The following AIG1 variants were observed in gnomAD, a reference collection of about 807,000 sequenced individuals.
AIG1 encodes androgen-induced gene 1 protein.
Under a neutral mutation model 31.4 loss-of-function variants are expected in AIG1, and 23 were observed. The observed-to-expected ratio is 0.73, with a 90% CI of 0.53 to 1.04. The LOEUF is 1.04. Ranked by LOEUF, AIG1 falls within the 50% of genes least tolerant of loss-of-function variation. AIG1 has a pLI of 0.00. For synonymous variants in AIG1, 100 were observed against 110.5 expected (o/e 0.90, Z 0.60); for missense variants, 274 against 295.0 (o/e 0.93, Z 0.52).
At chr6:143,223,000 C>T (rs1281728045) in intron 3 of AIG1, among the ~76,000 whole-genome samples, 1 of 152,188 alleles carries the variant, frequency 6.6e-6, no homozygotes, top group Non-Finnish European at 1.5e-5. Flanking sequence ...GGATTCAGAA[C>T]ACAGACAATG....
chr6:143,065,681 T>C (rs376634062), intron 1 of AIG1, among the ~76,000 whole-genome samples: 2 of 152,250 alleles, frequency 1.3e-5, no homozygotes, highest in African/African-American at 4.8e-5. Context: ...CAAATTTTCA[T>C]TGAGTATTCT....
intron 4 of AIG1, among the ~76,000 whole-genome samples, chr6:143,310,263 G>A (rs546188989): frequency 6.6e-6 from 1 of 151,852 alleles, no homozygotes; most frequent in South Asian, 2.1e-4. Flanking sequence ...TATCTTAACA[G>A]AGTTAAAAAA....
At chr6:143,152,007 T>G (rs1396284077) in intron 2 of AIG1, among the ~76,000 whole-genome samples, 1 of 152,256 alleles carries the variant, frequency 6.6e-6, no homozygotes, top group Non-Finnish European at 1.5e-5. Flanking sequence ...CCCATACACC[T>G]ACTCACTATT....
chr6:143,125,077 G>GTTATCTAGC (rs1782581770), intron 1 of AIG1, among the ~76,000 whole-genome samples: 1 of 152,068 alleles, frequency 6.6e-6, no homozygotes, highest in South Asian at 2.1e-4. Flanking sequence ...AGGTTTCAGA[G>GTTATCTAGC]TTATCTAGCT....
intron 3 of AIG1, among the ~76,000 whole-genome samples, chr6:143,166,549 A>G (rs1429069535): frequency 6.6e-6 from 1 of 152,134 alleles, no homozygotes; most frequent in Non-Finnish European, 1.5e-5. Flanking sequence ...TCATATCTCT[A>G]TTATGCATGT....
intron 1 of AIG1, among the ~76,000 whole-genome samples, chr6:143,093,405 G>A (rs1779483025): frequency 6.6e-6 from 1 of 152,198 alleles, no homozygotes; most frequent in African/African-American, 2.4e-5. Flanking sequence ...AAGAGAGTTA[G>A]GACCTTGCTC....
chr6:143,088,132 C>G (rs1278542903), intron 1 of AIG1, among the ~76,000 whole-genome samples: 1 of 152,158 alleles, frequency 6.6e-6, no homozygotes, highest in Non-Finnish European at 1.5e-5. Flanking sequence ...ATCATGGGGT[C>G]TGCCTTATGC....
intron 3 of AIG1, among the ~76,000 whole-genome samples, chr6:143,202,844 T>C (rs368595803): frequency 6.6e-6 from 1 of 152,056 alleles, no homozygotes; most frequent in Admixed American, 6.6e-5. Context: ...AGCGGAGGTG[T>C]CCCAGCAACA....
chr6:143,066,284 G>GT (rs146887376), intron 1 of AIG1, among the ~76,000 whole-genome samples: 16,429 of 148,130 alleles, frequency 0.11, 1,973 homozygotes, highest in African/African-American at 0.28. Context: ...TATTTTCTTT[G>GT]TTTTTTTTTT....
Position 143,064,890 on chromosome 6 carries a change from G to A in AIG1, c.141+3824G>A, listed in dbSNP as rs182348214. Among the ~76,000 whole-genome samples, 12 of 152,304 alleles carry A rather than the reference G, an allele frequency of 7.9e-5. No homozygotes were observed. The East Asian group carries it at 2.1e-3, about 27-fold the overall frequency. ...CTTTTAATTCACCTGGGTGCAGGCG[G>A]ACTGAGTCTGAGAAAGGAGTCAGCG... On this transcript the variant is annotated intron_variant, in intron 1 of 5. Transcript: ENST00000357847.
chr6:143,288,108 G>A lies in AIG1; in HGVS notation c.515+3883G>A, dbSNP rs142810714. Among the ~76,000 whole-genome samples, 128 of 152,234 alleles carry A rather than the reference G, an allele frequency of 8.4e-4. 2 individuals are homozygous for A. The highest frequency in any genetic ancestry group is 2.4e-3 in the African/African-American group (98 of 41,518). On this transcript the variant is annotated intron_variant, in intron 4 of 5. Coordinates refer to ENST00000357847, the MANE Select transcript of AIG1 (RefSeq NM_016108.4). This position sits in a 1 kb window ranked among gnomAD's most constrained non-coding sequence, Gnocchi z 4.4. ...CATCTTTGCTCCACCTGGTGCAGCC[G>A]TCTGGGGCTGAATCTTTTCCCGGGC...
intron 3 of AIG1, among the ~76,000 whole-genome samples, chr6:143,240,917 C>G (rs1794194239): frequency 6.6e-6 from 1 of 152,076 alleles, no homozygotes; most frequent in Non-Finnish European, 1.5e-5. Context: ...TAAAGGACTT[C>G]CATGAAGAGT....
At chr6:143,070,600 CCTT>C (rs1777155902) in intron 1 of AIG1, among the ~76,000 whole-genome samples, 1 of 152,134 alleles carries the variant, frequency 6.6e-6, no homozygotes, top group African/African-American at 2.4e-5. Flanking sequence ...CTGGTGAGAG[CCTT>C]CTTGATGCAC....
chr6:143,125,508 C>T (rs1391082264), intron 1 of AIG1, among the ~76,000 whole-genome samples: 1 of 152,140 alleles, frequency 6.6e-6, no homozygotes, highest in Non-Finnish European at 1.5e-5. Flanking sequence ...AATCTTTAAG[C>T]TTGTAAGATT....
At chr6:143,148,047 CA>C (rs1784851451) in intron 2 of AIG1, among the ~76,000 whole-genome samples, 1 of 152,110 alleles carries the variant, frequency 6.6e-6, no homozygotes, top group Non-Finnish European at 1.5e-5. Context: ...TGCTTGAGGT[CA>C]CACAGCAAGT....
chr6:143,200,868 C>G (rs1790640628), intron 3 of AIG1, among the ~76,000 whole-genome samples: 1 of 152,112 alleles, frequency 6.6e-6, no homozygotes, highest in South Asian at 2.1e-4. Flanking sequence ...ACAGTTTCAT[C>G]CCACAAAAGT....
At chr6:143,285,466 A>C (rs1040857141) in intron 4 of AIG1, among the ~76,000 whole-genome samples, 1 of 151,468 alleles carries the variant, frequency 6.6e-6, no homozygotes, top group Non-Finnish European at 1.5e-5. Flanking sequence ...GTTCGAGACC[A>C]GTCTTGTCAA....
chr6:143,240,301 A>G (rs1048431855), intron 3 of AIG1, among the ~76,000 whole-genome samples: 1 of 152,246 alleles, frequency 6.6e-6, no homozygotes, highest in Non-Finnish European at 1.5e-5. Flanking sequence ...TGGCGAATAC[A>G]GAATACTGTA....
intron 4 of AIG1, among the ~76,000 whole-genome samples, chr6:143,301,344 A>G (rs562787386): frequency 1.2e-4 from 18 of 152,210 alleles, no homozygotes; most frequent in Non-Finnish European, 2.2e-4. Context: ...AGCTCACCAC[A>G]AAGGCCATCA....
Sources: gnomAD v4.1 joint callset for allele counts (sites outside exome capture counted in the v4.1 genomes callset) on GRCh38, gnomAD v4.1.1 for gene constraint, Gnocchi (gnomAD v3.1) non-coding constraint, MANE v1.5 for transcripts, NCBI Gene and HGNC (gene_info 2026-07-23, HGNC 2026-07-21) for gene names.